Variants in BACE2 observed in about 807,000 individuals in gnomAD.
BACE2 encodes the protein beta-secretase 2, also known as 56 kDa aspartic-like protease.
A neutral mutation model predicts 46.2 loss-of-function variants in BACE2; 17 were observed. The observed-to-expected ratio is 0.37, with a 90% CI of 0.25 to 0.55. The LOEUF is 0.55. BACE2 is among the 20% of genes least tolerant of loss of function. BACE2 has a pLI of 0.82. For synonymous variants in BACE2, 277 were observed against 295.9 expected, an observed-to-expected ratio of 0.94 and a Z score of 0.66; for missense variants, 595 against 698.1, an observed-to-expected ratio of 0.85 and a Z score of 1.66.
At chr21:41,216,830 G>A (rs1484730407) in intron 1 of BACE2, among the ~76,000 whole-genome samples, 2 of 152,242 alleles carry the variant, frequency 1.3e-5, no homozygotes, top group Admixed American at 1.3e-4. Flanking sequence ...TGAGTGCAGA[G>A]TTGCCAGCGA....
chr21:41,251,042 C>A, intron 7 of BACE2, 141 bp downstream of exon 7: 1 of 910,826 alleles, frequency 1.1e-6, no homozygotes, highest in Non-Finnish European at 1.7e-6. Context: ...ACACATATTA[C>A]TGCTCCTGAG....
At chr21:41,263,657 TCCTCTGG>T (rs1435789814) in intron 8 of BACE2, among the ~76,000 whole-genome samples, 1 of 152,232 alleles carries the variant, frequency 6.6e-6, no homozygotes, top group Non-Finnish European at 1.5e-5. Flanking sequence ...AGTTTCATTG[TCCTCTGG>T]CTGTGATGAT....
intron 3 of BACE2, chr21:41,241,611 G>T: frequency 1.8e-6 from 1 of 544,164 alleles, no homozygotes; most frequent in Non-Finnish European, 3.2e-6. Context: ...CAACAGAGCC[G>T]TGCCCAAAGG....
intron 2 of BACE2, among the ~76,000 whole-genome samples, chr21:41,228,102 G>A (rs926087389): frequency 2.0e-5 from 3 of 152,214 alleles, no homozygotes; most frequent in Non-Finnish European, 2.9e-5. Flanking sequence ...CAAGTGCTTT[G>A]TCATTCCCTG....
At chr21:41,210,039 G>A (rs1284458382) in intron 1 of BACE2, among the ~76,000 whole-genome samples, 1 of 151,924 alleles carries the variant, frequency 6.6e-6, no homozygotes, top group Non-Finnish European at 1.5e-5. Flanking sequence ...CGAGGTTTCA[G>A]CTGCAGAGGT....
chr21:41,191,545 C>T (rs914002846), intron 1 of BACE2, among the ~76,000 whole-genome samples: 1 of 152,158 alleles, frequency 6.6e-6, no homozygotes, highest in Non-Finnish European at 1.5e-5. Context: ...CCAATATAAT[C>T]AACCTGCTAC....
At chr21:41,228,645 A>G (rs1457243537) in intron 2 of BACE2, among the ~76,000 whole-genome samples, 1 of 152,164 alleles carries the variant, frequency 6.6e-6, no homozygotes. Flanking sequence ...GATCTCAGTC[A>G]TTATTATGGG....
Position 41,275,632 on chromosome 21 carries a change from G to A in BACE2, c.*8G>A. 1.9e-6 allele frequency: 3 copies of A among 1,612,864 alleles called. No individual in the cohort carries two copies. The highest frequency in any genetic ancestry group is 2.5e-6 in the Non-Finnish European group (3 of 1,179,348). On this transcript the variant is annotated 3_prime_UTR_variant, in exon 9 of 9. Coordinates refer to ENST00000330333, the MANE Select transcript of BACE2 (RefSeq NM_012105.5). ...AGACATCGCTGGAAATGAATAGCCA[G>A]GCCTGACCTCAAGCAACCATGAACT...
chr21:41,219,866 C>T (rs1173085526), intron 1 of BACE2, among the ~76,000 whole-genome samples: 4 of 152,172 alleles, frequency 2.6e-5, no homozygotes, highest in Non-Finnish European at 4.4e-5. Context: ...AACAAACAAT[C>T]GATCGGTTCT....
chr21:41,255,897 G>T (rs1987773856), intron 7 of BACE2, among the ~76,000 whole-genome samples: 2 of 152,132 alleles, frequency 1.3e-5, no homozygotes, highest in Admixed American at 1.3e-4. Context: ...AATAAGGAAA[G>T]AAATCAAAAT....
At chr21:41,218,120 C>T (rs1176245296) in intron 1 of BACE2, among the ~76,000 whole-genome samples, 3 of 152,164 alleles carry the variant, frequency 2.0e-5, no homozygotes, top group African/African-American at 7.2e-5. Flanking sequence ...ATCAGACCAA[C>T]CAATGTTAAG....
At chr21:41,236,727 G>T (rs1279601348) in intron 2 of BACE2, 1 of 152,186 alleles carries the variant, frequency 6.6e-6, no homozygotes, top group Admixed American at 6.5e-5. Context: ...CAGCTGCTGC[G>T]GGCACAGGCT....
rs1464092876 is a variant in BACE2 at position 41,281,267 on chromosome 21, A to T, written c.*5643A>T. ...GAGTAAAATATTTTTTCCAATGTAG[A>T]TTTATAATTAGAAATGACAGATTTA... On this transcript the variant is annotated 3_prime_UTR_variant, in exon 9 of 9. Transcript: ENST00000330333. 1 of 152,212 alleles carries T rather than the reference A, an allele frequency of 6.6e-6. No homozygotes were observed. The highest frequency in any genetic ancestry group is 1.5e-5 in the Non-Finnish European group (1 of 68,038). 9.4% of individuals were successfully genotyped at this position (152,212 alleles called of 1,614,324 possible). A position where few individuals can be genotyped will look rare whatever the true frequency, so the allele number is the denominator to read the frequency against.
chr21:41,191,413 C>T (rs1428632108), intron 1 of BACE2, among the ~76,000 whole-genome samples: 1 of 152,172 alleles, frequency 6.6e-6, no homozygotes, highest in African/African-American at 2.4e-5. Flanking sequence ...ATAATGTATT[C>T]CGTGAACCCA....
chr21:41,182,785 T>C (rs1985187326), intron 1 of BACE2: 1 of 167,116 alleles, frequency 6.0e-6, no homozygotes, highest in Non-Finnish European at 1.5e-5. Context: ...TTCTTAAAGT[T>C]ATTTTACTCT....
In BACE2 at chr21:41,224,953, G is replaced by A. The variant is rs145623917; in HGVS notation, c.313-1313G>A. Among the ~76,000 whole-genome samples the A allele has an allele frequency of 5.3e-4, 80 of 152,290 alleles. 1 individual carries two copies. The highest frequency in any genetic ancestry group is 1.8e-3 in the African/African-American group (74 of 41,550). ...TAAAACAGTAAAAATGTATCTAGTC[G>A]GCTGGGTGCGGTGGCTCACGCCTGT... On this transcript the variant is annotated intron_variant, in intron 1 of 8. Transcript: ENST00000330333.
At chr21:41,256,850 A>C (rs1479644684) in intron 7 of BACE2, among the ~76,000 whole-genome samples, 2 of 152,116 alleles carry the variant, frequency 1.3e-5, no homozygotes, top group African/African-American at 4.8e-5. Context: ...ATCTCTTCAA[A>C]ATATTTTACA....
chr21:41,250,962 A>G, intron 7 of BACE2, 61 bp downstream of exon 7: 3 of 1,500,948 alleles, frequency 2.0e-6, no homozygotes, highest in Non-Finnish European at 2.7e-6. Flanking sequence ...CACTCCATGC[A>G]TGACACGTGT....
intron 1 of BACE2, among the ~76,000 whole-genome samples, chr21:41,217,523 C>G (rs1052605982): frequency 1.3e-5 from 2 of 152,182 alleles, no homozygotes; most frequent in African/African-American, 4.8e-5. Flanking sequence ...AACACAGAGA[C>G]AGTGGTGAAC....
Sources: allele counts gnomAD v4.1 joint callset (sites outside exome capture counted in the v4.1 genomes callset), GRCh38; gene constraint gnomAD v4.1.1; transcripts MANE v1.5; gene names NCBI Gene and HGNC (gene_info 2026-07-23, HGNC 2026-07-21).